The following PRIM2 variants were observed in gnomAD, a reference collection of about 807,000 sequenced individuals.
The protein encoded by PRIM2 is DNA primase large subunit.
A neutral mutation model predicts 67.3 loss-of-function variants in PRIM2; 39 were observed. The ratio of observed to expected loss-of-function variants is 0.58; its 90% CI spans 0.45 to 0.76. PRIM2 has a LOEUF of 0.76. Ranked by LOEUF, PRIM2 falls within the 30% of genes least tolerant of loss-of-function variation. PRIM2 has a pLI of 0.00. For missense variants in PRIM2, 398 were observed against 598.7 expected (o/e 0.66, Z 3.50); for synonymous variants, 143 against 198.7 (o/e 0.72, Z 2.36).
At chr6:57,516,581 A>G (rs1456254122) in intron 8 of PRIM2, among the ~76,000 whole-genome samples, 2 of 152,196 alleles carry the variant, frequency 1.3e-5, no homozygotes, top group African/African-American at 4.8e-5. Flanking sequence ...TTCCTGTCTT[A>G]TCAACCAGCT....
the PRIM2 span, among the ~76,000 whole-genome samples, chr6:57,238,764 T>A: frequency 0.1 from 15,556 of 152,170 alleles, 1,010 homozygotes; most frequent in African/African-American, 0.17. Context: ...AAAAAATCAA[T>A]GAATCCAGGA....
intron 7 of PRIM2, among the ~76,000 whole-genome samples, chr6:57,434,782 T>A (rs768798089): frequency 5.9e-5 from 9 of 151,818 alleles, no homozygotes; most frequent in Admixed American, 1.3e-4. Context: ...TTTTTACTTT[T>A]CTTTTCTTTT....
At chr6:57,417,388 C>T (rs1434141470) in intron 7 of PRIM2, among the ~76,000 whole-genome samples, 9 of 152,194 alleles carry the variant, frequency 5.9e-5, no homozygotes, top group African/African-American at 2.2e-4. Context: ...TTCAACCTAT[C>T]TCCATTTTTG....
intron 8 of PRIM2, among the ~76,000 whole-genome samples, chr6:57,513,805 C>T (rs1188588940): frequency 6.6e-6 from 1 of 152,150 alleles, no homozygotes; most frequent in Non-Finnish European, 1.5e-5. Flanking sequence ...ACCTAGGAGG[C>T]AGAGGTTGTA....
chr6:57,618,600 T>A (rs1776795565), intron 12 of PRIM2, among the ~76,000 whole-genome samples: 1 of 151,864 alleles, frequency 6.6e-6, no homozygotes, highest in South Asian at 2.1e-4. Context: ...ATGGTGGGAG[T>A]GAGACCAGCC....
intron 5 of PRIM2, among the ~76,000 whole-genome samples, chr6:57,335,505 C>T (rs1398795909): frequency 6.6e-6 from 1 of 152,192 alleles, no homozygotes; most frequent in Non-Finnish European, 1.5e-5. Flanking sequence ...CAGCACCCAG[C>T]TGGAGATCTG....
chr6:57,452,553 C>T (rs1216078377), intron 7 of PRIM2, among the ~76,000 whole-genome samples: 2 of 152,178 alleles, frequency 1.3e-5, no homozygotes, highest in Non-Finnish European at 2.9e-5. Context: ...AGCGTTTTTT[C>T]ATGTGTCTTT....
At chr6:57,231,155 A>G in the PRIM2 span, among the ~76,000 whole-genome samples, 1 of 152,212 alleles carries the variant, frequency 6.6e-6, no homozygotes, top group Non-Finnish European at 1.5e-5. Context: ...CAGAAAGTCC[A>G]CTGGAGACTT....
At chr6:57,250,662 G>T in the PRIM2 span, among the ~76,000 whole-genome samples, 5 of 152,072 alleles carry the variant, frequency 3.3e-5, no homozygotes, top group Non-Finnish European at 7.4e-5. Context: ...ACAGAAGGAA[G>T]GGCATGAGTA....
At position 57,561,412 on chromosome 6, in the gene PRIM2, A is replaced by G. The variant is rs1466357443; in HGVS notation, c.1020+23787A>G. 9.2e-5 allele frequency among the ~76,000 whole-genome samples: 14 copies of G among 152,232 alleles called. No homozygotes were observed. In the East Asian group the frequency reaches 2.5e-3, roughly 27 times the overall value. ...ACACCCGGCTGATTTTTTGTATTTT[A>G]GTAGAGACGGGGTTTCACCGTTGTT... On this transcript the variant is annotated intron_variant, in intron 10 of 13. Transcript: ENST00000615550.
chr6:57,258,884 G>A, the PRIM2 span, among the ~76,000 whole-genome samples: 4 of 152,134 alleles, frequency 2.6e-5, no homozygotes, highest in African/African-American at 9.7e-5. Context: ...GCAGCCTCAA[G>A]GACGGGAAAG....
chr6:57,462,697 C>T (rs72875427), intron 7 of PRIM2, among the ~76,000 whole-genome samples: 9,892 of 152,230 alleles, frequency 0.065, 666 homozygotes, highest in African/African-American at 0.17. Context: ...GCTGCTGTCT[C>T]GACTGTGTCT....
chr6:57,293,211 T>A, the PRIM2 span, among the ~76,000 whole-genome samples: 1 of 152,226 alleles, frequency 6.6e-6, no homozygotes, highest in Non-Finnish European at 1.5e-5. Flanking sequence ...AAGATATTTA[T>A]GCAGGCAACA....
intron 5 of PRIM2, among the ~76,000 whole-genome samples, chr6:57,341,572 C>T (rs1768492322): frequency 1.3e-5 from 2 of 152,176 alleles, no homozygotes; most frequent in Admixed American, 6.5e-5. Context: ...TCTGTAAGCT[C>T]TTTCCATTTC....
chr6:57,364,441 A>T (rs1769289828), intron 5 of PRIM2, among the ~76,000 whole-genome samples: 1 of 152,068 alleles, frequency 6.6e-6, no homozygotes, highest in African/African-American at 2.4e-5. Context: ...CACTTTTTAA[A>T]CCGTATTTAG....
chr6:57,590,337 A>G, intron 10 of PRIM2, among the ~76,000 whole-genome samples: 1 of 152,312 alleles, frequency 6.6e-6, no homozygotes, highest in Non-Finnish European at 1.5e-5. Context: ...AAAATAAGAG[A>G]TAGTAGTTAA....
intron 12 of PRIM2, among the ~76,000 whole-genome samples, chr6:57,619,227 C>T (rs1182280693): frequency 1.3e-5 from 2 of 152,134 alleles, no homozygotes; most frequent in African/African-American, 4.8e-5. Flanking sequence ...GGGGAGAGTA[C>T]TACATCAAGG....
intron 5 of PRIM2, among the ~76,000 whole-genome samples, chr6:57,347,752 G>A (rs1377517047): frequency 6.6e-6 from 1 of 152,060 alleles, no homozygotes; most frequent in Non-Finnish European, 1.5e-5. Context: ...CCAGGTTTAT[G>A]TAATTTAATC....
chr6:57,274,756 AT>A, the PRIM2 span, among the ~76,000 whole-genome samples: 1 of 152,028 alleles, frequency 6.6e-6, no homozygotes, highest in Admixed American at 6.5e-5. Flanking sequence ...AGCTTTTCCT[AT>A]TCAGCCGTCT....
Sources: gnomAD v4.1 joint callset for allele counts (sites outside exome capture counted in the v4.1 genomes callset) on GRCh38, gnomAD v4.1.1 for gene constraint, MANE v1.5 for transcripts, NCBI Gene and HGNC (gene_info 2026-07-23, HGNC 2026-07-21) for gene names.